Variants in ABCA4 observed in about 807,000 individuals in gnomAD.
ABCA4 encodes retinal-specific phospholipid-transporting ATPase ABCA4.
A neutral mutation model predicts 263.7 loss-of-function variants in ABCA4; 196 were observed. The ratio of observed to expected loss-of-function variants is 0.74; its 90% CI spans 0.66 to 0.84. The LOEUF is 0.84. ABCA4 is among the 40% of genes least tolerant of loss of function. The pLI is 0.00. For synonymous variants in ABCA4, 1,133 were observed against 1,094.2 expected, an observed-to-expected ratio of 1.04 and a Z score of -0.70; for missense variants, 2,792 against 2,855.1, an observed-to-expected ratio of 0.98 and a Z score of 0.50.
At chr1:94,062,444 CT>C in intron 13 of ABCA4, 132 bp downstream of exon 13, 1 of 1,059,436 alleles carries the variant, frequency 9.4e-7, no homozygotes, top group South Asian at 1.5e-5. Context: ...GCTCCATGCT[CT>C]CCAATTTGGC....
In ABCA4 at chr1:94,019,769, G is replaced by T. The variant is rs1659846319; in HGVS notation, c.5019-10C>A. 1 of 1,609,708 alleles carries T rather than the reference G, an allele frequency of 6.2e-7. No individual in the cohort carries two copies. Among genetic ancestry groups the T allele is most frequent in the Non-Finnish European group, 8.5e-7 (1 of 1,177,896 alleles). The stretch of plus-strand genomic sequence containing the variant: ...CACTGAAGTGGTCAGCCTGCAGCAG[G>T]GCCAGAGACACAGGGAGAGGGCGAT... On this transcript the variant is annotated splice_polypyrimidine_tract_variant and intron_variant, in intron 35 of 49. Transcript: ENST00000370225.
At chr1:94,043,011 G>T in intron 21 of ABCA4, 113 bp from the exon 22 acceptor site, 2 of 1,459,094 alleles carry the variant, frequency 1.4e-6, no homozygotes, top group Non-Finnish European at 1.9e-6. Context: ...GTTTGGTGCT[G>T]CCTCTTAGAT....
At chr1:94,033,287 G>A (rs1420841478) in intron 26 of ABCA4, among the ~76,000 whole-genome samples, 2 of 151,954 alleles carry the variant, frequency 1.3e-5, no homozygotes, top group Non-Finnish European at 1.5e-5. Context: ...AGCCAGGCAC[G>A]GTGGCGTGTG....
At chr1:94,093,834 G>A (rs1662042465) in intron 6 of ABCA4, among the ~76,000 whole-genome samples, 1 of 152,042 alleles carries the variant, frequency 6.6e-6, no homozygotes, top group Admixed American at 6.5e-5. Flanking sequence ...ATATTTTGAT[G>A]GTAATAGGTA....
At chr1:94,001,561 G>T (rs1007559293) in intron 45 of ABCA4, 1 of 593,152 alleles carries the variant, frequency 1.7e-6, no homozygotes. Flanking sequence ...ACCAGACACC[G>T]ACAGGCCGCA....
intron 24 of ABCA4, among the ~76,000 whole-genome samples, chr1:94,039,118 C>G (rs1039756562): frequency 6.6e-6 from 1 of 152,168 alleles, no homozygotes; most frequent in Non-Finnish European, 1.5e-5. Context: ...TAGGTACCCA[C>G]AGCAAGGCAG....
intron 26 of ABCA4, among the ~76,000 whole-genome samples, chr1:94,034,493 T>C (rs1660291437): frequency 6.6e-6 from 1 of 152,058 alleles, no homozygotes; most frequent in Admixed American, 6.6e-5. Flanking sequence ...ACAGACCCTC[T>C]CCATGCCACG....
chr1:94,039,413 C>T (rs947033649), intron 24 of ABCA4, among the ~76,000 whole-genome samples: 2 of 152,198 alleles, frequency 1.3e-5, no homozygotes, highest in Non-Finnish European at 2.9e-5. Context: ...TGCATCAGTA[C>T]GTAAGTTTAG....
At chr1:94,090,357 TA>T (rs200087268) in intron 6 of ABCA4, among the ~76,000 whole-genome samples, 3,816 of 140,368 alleles carry the variant, frequency 0.027, 119 homozygotes, top group African/African-American at 0.083. Flanking sequence ...TGGAGCCAAT[TA>T]AAAAAAAAAA....
rs774819519 is a variant in ABCA4 at position 94,063,172 on chromosome 1, A to G, written c.1700T>C (p.Val567Ala). 5 of 1,613,898 alleles carry G rather than the reference A, an allele frequency of 3.1e-6. No homozygotes were observed. In the African/African-American group the frequency reaches 6.7e-5, roughly 22 times the overall value. Reference sequence around the variant, plus strand: ...TATGTCCATTCGGATCTTATACTTCACGTGGGGTGGTAGAGAGCTGGTCCA... The same window carrying G: ...TATGTCCATTCGGATCTTATACTTCGCGTGGGGTGGTAGAGAGCTGGTCCA... The part of the protein sequence containing the change: ...YPWTSSLPPH[V>A]KYKIRMDIDV... The change falls in exon 12 of 50, where the codon GTG becomes GCG. Residue 567 changes from valine to alanine, a missense_variant. By Grantham distance (64) the Val-to-Ala change is moderately conservative. Transcript: ENST00000370225.
At chr1:94,028,557 T>G (rs545900833) in intron 30 of ABCA4, among the ~76,000 whole-genome samples, 2 of 152,292 alleles carry the variant, frequency 1.3e-5, no homozygotes, top group East Asian at 3.9e-4. Flanking sequence ...TAGCATTGCT[T>G]ATAATGGTGA....
chr1:94,029,230 G>A (rs2101033053), intron 30 of ABCA4, among the ~76,000 whole-genome samples: 1 of 152,262 alleles, frequency 6.6e-6, no homozygotes, highest in Middle Eastern at 3.4e-3. Context: ...AGTATCTGGT[G>A]GAAAATGAAG....
intron 44 of ABCA4, among the ~76,000 whole-genome samples, chr1:94,004,515 A>C (rs1442490782): frequency 6.6e-6 from 1 of 152,260 alleles, no homozygotes; most frequent in Non-Finnish European, 1.5e-5. Context: ...AAGAATGAGG[A>C]TATAGAGTCA....
At chr1:94,086,959 G>T (rs1366428419) in intron 6 of ABCA4, among the ~76,000 whole-genome samples, 2 of 152,170 alleles carry the variant, frequency 1.3e-5, no homozygotes, top group African/African-American at 4.8e-5. Context: ...TGGCAGCTGG[G>T]AAGTCTAAGA....
Position 94,000,821 on chromosome 1 carries a change from C to G in ABCA4, c.6479+15G>C. 6.2e-7 allele frequency: 1 copy of G among 1,613,624 alleles called. No homozygotes were observed. The highest frequency in any genetic ancestry group is 8.5e-7 in the Non-Finnish European group (1 of 1,179,518). On this transcript the variant is annotated intron_variant, in intron 47 of 49. Coordinates refer to ENST00000370225, the MANE Select transcript of ABCA4 (RefSeq NM_000350.3). ...CACAGAAGGCAACAAGGGGCACGCC[C>G]CACCATCTGCTTACTTGGACTTGAG...
intron 6 of ABCA4, among the ~76,000 whole-genome samples, chr1:94,085,780 G>A (rs919390794): frequency 6.6e-6 from 1 of 152,112 alleles, no homozygotes; most frequent in African/African-American, 2.4e-5. Context: ...TTTTATGTCT[G>A]CTCACACGTC....
intron 10 of ABCA4, among the ~76,000 whole-genome samples, chr1:94,078,121 G>A (rs528928374): frequency 3.9e-5 from 6 of 152,202 alleles, no homozygotes; most frequent in African/African-American, 1.4e-4. Context: ...GGCCAGATGG[G>A]GGTCATTGAA....
At chr1:94,079,059 C>T (rs575582175) in intron 9 of ABCA4, among the ~76,000 whole-genome samples, 2 of 152,274 alleles carry the variant, frequency 1.3e-5, no homozygotes, top group South Asian at 2.1e-4. Context: ...ATTGTGAACC[C>T]TTCCATTAGG....
chr1:94,011,474 A>T, intron 38 of ABCA4, 89 bp from the exon 39 acceptor site: 1 of 1,598,138 alleles, frequency 6.3e-7, no homozygotes, highest in Non-Finnish European at 8.6e-7. Flanking sequence ...CTCACAGGAC[A>T]GCACAGGGCA....
Sources: gnomAD v4.1 joint callset for allele counts (sites outside exome capture counted in the v4.1 genomes callset) on GRCh38, gnomAD v4.1.1 for gene constraint, MANE v1.5 for transcripts, NCBI Gene and HGNC (gene_info 2026-07-23, HGNC 2026-07-21) for gene names.